Variants in SLC39A8 observed in about 807,000 individuals in gnomAD.
SLC39A8 encodes the protein metal cation symporter ZIP8.
Under a neutral mutation model 40.4 loss-of-function variants are expected in SLC39A8, and 15 were observed. That is an observed-to-expected ratio of 0.37 (90% CI 0.25 to 0.57). The LOEUF (loss-of-function observed/expected upper bound fraction) is 0.57, where lower values mean the gene tolerates loss of function less well. Among genes scored for constraint, SLC39A8 ranks in the 20% least tolerant of loss-of-function variants. SLC39A8 has a pLI of 0.75. For synonymous variants in SLC39A8, 223 were observed against 221.6 expected (o/e 1.01, Z -0.06); for missense variants, 472 against 558.8 (o/e 0.84, Z 1.57).
In SLC39A8 at chr4:102,261,726, G is replaced by T; in HGVS notation, c.*1318C>A. 4 of 982,250 alleles carry T rather than the reference G, an allele frequency of 4.1e-6. No individual in the cohort carries two copies. The highest frequency in any genetic ancestry group is 4.8e-6 in the Non-Finnish European group (4 of 826,532). The allele number at this position is 982,250 out of a possible 1,614,324, so 60.8% of individuals were successfully genotyped here. ...ATATTTTTTAATTGTCAGTCATAAA[G>T]TGAAATACATACTAAAATATATATT... On this transcript the variant is annotated 3_prime_UTR_variant, in exon 9 of 9. Coordinates refer to ENST00000356736, the MANE Select transcript of SLC39A8 (RefSeq NM_001135146.2).
At chr4:102,309,281 A>G (rs918714521) in intron 3 of SLC39A8, among the ~76,000 whole-genome samples, 3 of 152,046 alleles carry the variant, frequency 2.0e-5, no homozygotes, top group Non-Finnish European at 4.4e-5. Flanking sequence ...CACCTGTGCT[A>G]AGTACCAAAT....
chr4:102,335,654 C>T (rs2149054113), intron 2 of SLC39A8, among the ~76,000 whole-genome samples: 1 of 152,264 alleles, frequency 6.6e-6, no homozygotes, highest in South Asian at 2.1e-4. Context: ...CATCAGAAGT[C>T]CTCTGGAAGG....
chr4:102,334,173 A>C (rs1735578115), intron 2 of SLC39A8, among the ~76,000 whole-genome samples: 2 of 152,208 alleles, frequency 1.3e-5, no homozygotes, highest in Admixed American at 1.3e-4. Flanking sequence ...AGTTATACAC[A>C]GTAAATGAAA....
At chr4:102,322,009 G>C (rs1298552434) in intron 2 of SLC39A8, among the ~76,000 whole-genome samples, 1 of 152,082 alleles carries the variant, frequency 6.6e-6, no homozygotes, top group Non-Finnish European at 1.5e-5. Flanking sequence ...AGATGTCTGT[G>C]GTTTTTGCCT....
At chr4:102,289,583 A>C (rs1733332258) in intron 6 of SLC39A8, among the ~76,000 whole-genome samples, 1 of 152,182 alleles carries the variant, frequency 6.6e-6, no homozygotes, top group Non-Finnish European at 1.5e-5. Flanking sequence ...TGCCATTAAG[A>C]ACATTTATGA....
intron 6 of SLC39A8, among the ~76,000 whole-genome samples, chr4:102,292,647 C>CT (rs1158617061): frequency 6.6e-6 from 1 of 152,056 alleles, no homozygotes. Context: ...GTCTCCTACT[C>CT]TTTCAACAGT....
intron 6 of SLC39A8, among the ~76,000 whole-genome samples, chr4:102,288,589 A>G (rs1017808239): frequency 6.6e-6 from 1 of 152,186 alleles, no homozygotes; most frequent in African/African-American, 2.4e-5. Context: ...TTTGTGTGCC[A>G]AACAGCCAAG....
chr4:102,316,726 A>G (rs560816591), intron 2 of SLC39A8, among the ~76,000 whole-genome samples: 84 of 152,282 alleles, frequency 5.5e-4, no homozygotes, highest in African/African-American at 1.8e-3. Context: ...TTAAACCCCA[A>G]TAAGACCTTA....
downstream of SLC39A8, among the ~76,000 whole-genome samples, chr4:102,257,699 C>A (rs1167471703): frequency 6.6e-6 from 1 of 152,204 alleles, no homozygotes; most frequent in African/African-American, 2.4e-5. Context: ...ATGTCCCCAA[C>A]ATTGCAAATG....
chr4:102,285,098 A>G (rs945506490), intron 6 of SLC39A8, among the ~76,000 whole-genome samples: 4 of 152,200 alleles, frequency 2.6e-5, no homozygotes, highest in African/African-American at 9.6e-5. Context: ...ATTCAGTAAA[A>G]TAAAGTCTGT....
intron 6 of SLC39A8, among the ~76,000 whole-genome samples, chr4:102,290,854 C>T (rs1049257184): frequency 1.8e-4 from 28 of 152,186 alleles, no homozygotes; most frequent in Admixed American, 9.8e-4. Context: ...ACATCTAACT[C>T]ACAATCCACC....
At position 102,344,542 on chromosome 4, in the gene SLC39A8, G is replaced by C; in HGVS notation, c.121C>G (p.Leu41Val). Residue 41 changes from leucine to valine, a missense_variant, in exon 2 of 9, where the codon CTG becomes GTG. Coordinates refer to ENST00000356736, the MANE Select transcript of SLC39A8 (RefSeq NM_001135146.2). ...TGGAGCTGCGCCGCCGACAGGCTCAGATTCGCGCCGAACACGCTCAGCACA... is the reference window on the plus strand; with the variant it reads ...TGGAGCTGCGCCGCCGACAGGCTCACATTCGCGCCGAACACGCTCAGCACA... ...EDVLSVFGAN[L>V]SLSAAQLQHL... 1 of 1,557,842 alleles carries C rather than the reference G, an allele frequency of 6.4e-7. No individual in the cohort carries two copies.
chr4:102,262,414 A>G lies in SLC39A8; in HGVS notation c.*630T>C. ...CTCTAAGCCTGAACTTAGCAGGGCT[A>G]GCAAAACTTTATTTATTTCCTAACT... On this transcript the variant is annotated 3_prime_UTR_variant, in exon 9 of 9. Transcript: ENST00000356736. The G allele has an allele frequency of 1.0e-6, 1 of 985,544 alleles. No homozygotes were observed. 61.0% of individuals were successfully genotyped at this position (985,544 alleles called of 1,614,324 possible).
intron 6 of SLC39A8, among the ~76,000 whole-genome samples, chr4:102,278,826 C>A (rs1732742560): frequency 6.6e-6 from 1 of 152,162 alleles, no homozygotes; most frequent in Admixed American, 6.5e-5. Context: ...AGGATGAGTT[C>A]ATGTCCTTTG....
chr4:102,342,989 C>T (rs771101993), intron 2 of SLC39A8, among the ~76,000 whole-genome samples: 5 of 152,072 alleles, frequency 3.3e-5, no homozygotes, highest in African/African-American at 1.2e-4. Context: ...AGTTGTTTCC[C>T]CTATTTGATA....
chr4:102,280,265 G>A (rs13434535), intron 6 of SLC39A8, among the ~76,000 whole-genome samples: 9,017 of 152,136 alleles, frequency 0.059, 880 homozygotes, highest in African/African-American at 0.2. Flanking sequence ...TCAGGTTACT[G>A]CCCTGTGGTT....
At chr4:102,256,779 A>G (rs1731719002), downstream of SLC39A8, among the ~76,000 whole-genome samples, 1 of 152,150 alleles carries the variant, frequency 6.6e-6, no homozygotes, top group African/African-American at 2.4e-5. Context: ...GCTGATAATC[A>G]CAGCCACAGG....
chr4:102,256,663 T>C (rs576115460), intron 11 of SLC39A8, among the ~76,000 whole-genome samples: 1 of 152,354 alleles, frequency 6.6e-6, no homozygotes, highest in African/African-American at 2.4e-5. Context: ...ATTTTCTCCT[T>C]GCTTTCAGTG....
At chr4:102,254,431 TCC>T in intron 11 of SLC39A8, among the ~76,000 whole-genome samples, 2 of 152,358 alleles carry the variant, frequency 1.3e-5, no homozygotes, top group South Asian at 4.1e-4. Context: ...CTACCATAGT[TCC>T]CTACAATGGT....
Sources: allele counts gnomAD v4.1 joint callset (sites outside exome capture counted in the v4.1 genomes callset), GRCh38; gene constraint gnomAD v4.1.1; transcripts MANE v1.5; gene names NCBI Gene and HGNC (gene_info 2026-07-23, HGNC 2026-07-21).